Variants in NHSL2 observed in about 807,000 individuals in gnomAD.
The protein encoded by NHSL2 is NHS like 2, also known as NHS-like protein 2.
In NHSL2, 27 loss-of-function variants were observed where a neutral mutation model predicts 53.4. The ratio of observed to expected loss-of-function variants is 0.51; its 90% CI spans 0.37 to 0.70. The LOEUF (loss-of-function observed/expected upper bound fraction) is 0.70. NHSL2 is among the 30% of genes least tolerant of loss of function. NHSL2 has a pLI of 0.00. For synonymous variants in NHSL2, 408 were observed against 404.1 expected (o/e 1.01, Z -0.12); for missense variants, 892 against 980.1 (o/e 0.91, Z 1.20).
At chrX:71,963,558 A>C (rs1462016085) in intron 1 of NHSL2, among the ~76,000 whole-genome samples, 1 of 111,090 alleles carries the variant, frequency 9.0e-6, no homozygotes, top group African/African-American at 3.3e-5. Context: ...GACACTCTTT[A>C]AATTCAAAGA....
chrX:71,918,350 G>GA (rs1238715351), intron 1 of NHSL2, among the ~76,000 whole-genome samples: 58 of 104,866 alleles, frequency 5.5e-4, no homozygotes, highest in African/African-American at 2.1e-3. Flanking sequence ...TCATCAAGGG[G>GA]AAAATCAGAA....
chrX:72,123,499 A>C (rs985706790), intron 1 of NHSL2, among the ~76,000 whole-genome samples: 12 of 111,418 alleles, frequency 1.1e-4, no homozygotes, highest in Non-Finnish European at 2.1e-4. Context: ...AGCCTGCTTC[A>C]GTAGCTCAGG....
At chrX:72,095,465 CTGTT>C (rs755225231) in intron 1 of NHSL2, among the ~76,000 whole-genome samples, 1 of 112,204 alleles carries the variant, frequency 8.9e-6, no homozygotes, top group South Asian at 3.7e-4. Context: ...GTATTTTATT[CTGTT>C]TGTCAGACCA....
chrX:72,062,734 C>T (rs968883245), intron 1 of NHSL2, among the ~76,000 whole-genome samples: 6 of 112,401 alleles, frequency 5.3e-5, no homozygotes, highest in African/African-American at 1.9e-4. Flanking sequence ...CTGGTCGATC[C>T]CAAGGGGGAG....
intron 1 of NHSL2, among the ~76,000 whole-genome samples, chrX:71,991,848 C>CTCTG (rs1556322217): frequency 0.012 from 1,261 of 108,830 alleles, 22 homozygotes; most frequent in African/African-American, 0.04. Flanking sequence ...CTCTCTCTCT[C>CTCTG]TCTGTCTTTG....
intron 1 of NHSL2, among the ~76,000 whole-genome samples, chrX:72,041,935 G>A (rs749961692): frequency 8.9e-5 from 10 of 112,057 alleles, no homozygotes; most frequent in Non-Finnish European, 1.7e-4. Context: ...TCGTGCGCTC[G>A]GGAGCCACCC....
chrX:72,039,683 G>A (rs942349285), intron 1 of NHSL2, among the ~76,000 whole-genome samples: 22 of 111,847 alleles, frequency 2.0e-4, no homozygotes, highest in African/African-American at 4.9e-4. Flanking sequence ...CCCATGATAC[G>A]TTTAGGACTC....
chrX:71,942,200 T>C (rs927304411), intron 1 of NHSL2, among the ~76,000 whole-genome samples: 1 of 112,278 alleles, frequency 8.9e-6, no homozygotes, highest in Non-Finnish European at 1.9e-5. Flanking sequence ...CAGACTGCAA[T>C]GTGAGGGGAT....
At chrX:72,031,477 A>G (rs2042214698) in intron 1 of NHSL2, among the ~76,000 whole-genome samples, 1 of 112,484 alleles carries the variant, frequency 8.9e-6, no homozygotes, top group African/African-American at 3.2e-5. Flanking sequence ...GCACTTACTA[A>G]TTATTAGCTT....
At chrX:71,920,701 G>A (rs1426002811) in intron 1 of NHSL2, among the ~76,000 whole-genome samples, 1 of 111,957 alleles carries the variant, frequency 8.9e-6, no homozygotes, top group Non-Finnish European at 1.9e-5. Context: ...TAATGAGCAT[G>A]AACTATGATG....
At chrX:72,116,605 G>T (rs761427564) in intron 1 of NHSL2, among the ~76,000 whole-genome samples, 1 of 112,089 alleles carries the variant, frequency 8.9e-6, no homozygotes, top group East Asian at 2.8e-4. Context: ...AAAGGACTGC[G>T]TGCGTGGGTC....
At chrX:72,075,409 G>A (rs774304892) in intron 1 of NHSL2, among the ~76,000 whole-genome samples, 18 of 112,482 alleles carry the variant, frequency 1.6e-4, no homozygotes, top group Non-Finnish European at 3.0e-4. Flanking sequence ...AGCCAGCCTG[G>A]GCCTGTGCTG....
chrX:72,034,910 T>G (rs2042233819), intron 1 of NHSL2, among the ~76,000 whole-genome samples: 2 of 112,087 alleles, frequency 1.8e-5, no homozygotes, highest in Non-Finnish European at 1.9e-5. Flanking sequence ...ATTTTCAATT[T>G]CATTGATTTC....
intron 1 of NHSL2, among the ~76,000 whole-genome samples, chrX:72,049,009 A>AGAAGAAGAAGAAGAAGAAGAGGAAGAG (rs1556340802): frequency 4.3e-4 from 37 of 86,162 alleles, no homozygotes; most frequent in African/African-American, 1.5e-3. Context: ...AAGAAGAAGA[A>AGAAGAAGAAGAAGAAGAAGAGGAAGAG]GAAGAGGAAG....
intron 1 of NHSL2, among the ~76,000 whole-genome samples, chrX:72,056,553 C>CACACA (rs1491249436): frequency 1.1e-5 from 1 of 90,759 alleles, no homozygotes; most frequent in Non-Finnish European, 2.0e-5. Context: ...AACGTCTGCG[C>CACACA]ACACACACAC....
intron 1 of NHSL2, among the ~76,000 whole-genome samples, chrX:71,994,996 G>T (rs767427877): frequency 2.7e-4 from 30 of 111,699 alleles, no homozygotes; most frequent in African/African-American, 8.5e-4. Context: ...ATTCAAACCA[G>T]ACCCCTGGCC....
At chrX:71,976,408 A>C (rs2041948354) in intron 1 of NHSL2, among the ~76,000 whole-genome samples, 1 of 111,879 alleles carries the variant, frequency 8.9e-6, no homozygotes, top group Non-Finnish European at 1.9e-5. Context: ...ACCATGCCTA[A>C]GCTGGAATAA....
intron 1 of NHSL2, among the ~76,000 whole-genome samples, chrX:72,039,146 C>CCTTTCCTTTCCTTTCCTTTCTTT (rs2042259433): frequency 1.0e-5 from 1 of 96,830 alleles, no homozygotes; most frequent in Admixed American, 1.1e-4. Flanking sequence ...CCTTTCCTTT[C>CCTTTCCTTTCCTTTCCTTTCTTT]CTTCCTTGTC....
At chrX:71,913,441 A>C in intron 1 of NHSL2, among the ~76,000 whole-genome samples, 1 of 112,188 alleles carries the variant, frequency 8.9e-6, no homozygotes, top group Non-Finnish European at 1.9e-5. Context: ...GGTGTTTAGC[A>C]AGCCGAATAT....
Sources: allele counts gnomAD v4.1 joint callset (sites outside exome capture counted in the v4.1 genomes callset), GRCh38; gene constraint gnomAD v4.1.1; transcripts MANE v1.5; gene names NCBI Gene and HGNC (gene_info 2026-07-23, HGNC 2026-07-21).